Variants in KCTD16 observed in about 807,000 individuals in gnomAD.
KCTD16 encodes the protein potassium channel tetramerization domain containing 16.
KCTD16 carries 13 observed loss-of-function variants against 33.2 expected under a neutral mutation model. That is an observed-to-expected ratio of 0.39 (90% CI 0.25 to 0.62). KCTD16 has a LOEUF of 0.62. KCTD16 is among the 20% of genes least tolerant of loss of function. The pLI, the probability that KCTD16 is intolerant of heterozygous loss-of-function variation, is 0.50. For synonymous variants in KCTD16, 197 were observed against 195.3 expected (o/e 1.01, Z -0.07); for missense variants, 441 against 525.1 (o/e 0.84, Z 1.57).
In KCTD16 at chr5:144,478,527, A is replaced by T. The variant is rs1740906810; in HGVS notation, c.*4413A>T. On this transcript the variant is annotated 3_prime_UTR_variant, in exon 4 of 4. Transcript: ENST00000512467. ...TTAATACTCAGTATGCACAAAAATC[A>T]TGTGTAGCACTTGTAAAAATGCAGA... is the stretch of plus-strand genomic sequence containing the variant. 1 of 152,064 alleles carries T rather than the reference A, an allele frequency of 6.6e-6. No homozygotes were observed. Among genetic ancestry groups the T allele is most frequent in the Admixed American group, 6.6e-5 (1 of 15,252 alleles). The allele number at this position is 152,064 out of a possible 1,614,324, so 9.4% of individuals were successfully genotyped here. A position where few individuals can be genotyped will look rare whatever the true frequency, so the allele number is the denominator to read the frequency against.
chr5:144,452,773 T>TAA (rs34403827), intron 3 of KCTD16, among the ~76,000 whole-genome samples: 1 of 109,112 alleles, frequency 9.2e-6, no homozygotes, highest in Non-Finnish European at 2.0e-5. Flanking sequence ...CAAGCAAGAA[T>TAA]AAAAAAAAAA....
chr5:144,473,905 C>G lies in KCTD16; in HGVS notation c.1078C>G (p.Arg360Gly). The G allele has an allele frequency of 6.2e-7, 1 of 1,613,938 alleles. No individual in the cohort carries two copies. The highest frequency in any genetic ancestry group is 8.5e-7 in the Non-Finnish European group (1 of 1,179,964). The change falls in exon 4 of 4, where the codon CGG becomes GGG. Residue 360 changes from arginine (R) to glycine (G), a missense_variant. Transcript: ENST00000512467. Reference protein sequence around the residue: ...PVQLIQQSEMRRKSDLLRTLT... With the variant: ...PVQLIQQSEMGRKSDLLRTLT... Reference sequence around the variant, plus strand: ...CCAGCTGATCCAACAGTCAGAGATGCGGCGGAAAAGCGACTTACTCCGGAC... The same window carrying G: ...CCAGCTGATCCAACAGTCAGAGATGGGGCGGAAAAGCGACTTACTCCGGAC...
At chr5:144,187,692 G>A (rs956403364) in intron 2 of KCTD16, among the ~76,000 whole-genome samples, 2 of 152,036 alleles carry the variant, frequency 1.3e-5, no homozygotes, top group Non-Finnish European at 2.9e-5. Flanking sequence ...GTTGATCTCT[G>A]GATTTCTTTG....
Position 144,438,913 on chromosome 5 carries a change from C to T in KCTD16, c.833-34747C>T, listed in dbSNP as rs141753133. Among the ~76,000 whole-genome samples, 65 of 152,262 alleles carry T rather than the reference C, an allele frequency of 4.3e-4. 1 individual carries two copies. The East Asian group carries it at 0.012, about 28-fold the overall frequency. ...GTAAGTCACCATCTTCTACCTCTTCCTCACTCTCCTTATTCGGTTAGACAC... is the reference window on the plus strand; with the variant it reads ...GTAAGTCACCATCTTCTACCTCTTCTTCACTCTCCTTATTCGGTTAGACAC... On this transcript the variant is annotated intron_variant, in intron 3 of 3. Coordinates refer to ENST00000512467, the MANE Select transcript of KCTD16 (RefSeq NM_020768.4).
At chr5:144,208,743 T>C (rs755313853) in intron 3 of KCTD16, among the ~76,000 whole-genome samples, 13 of 152,240 alleles carry the variant, frequency 8.5e-5, no homozygotes, top group Non-Finnish European at 1.6e-4. Context: ...AGCCAAGTCA[T>C]TCTCTACTAA....
chr5:144,346,860 A>G (rs569699314), intron 3 of KCTD16, among the ~76,000 whole-genome samples: 1 of 152,084 alleles, frequency 6.6e-6, no homozygotes, highest in South Asian at 2.1e-4. Context: ...TTTTAACTTG[A>G]TGTGACCCCA....
chr5:144,407,171 A>C (rs1364146845), intron 3 of KCTD16, among the ~76,000 whole-genome samples: 1 of 148,836 alleles, frequency 6.7e-6, no homozygotes, highest in African/African-American at 2.5e-5. Context: ...AGAGTCTCAG[A>C]AGTTTTCATC....
Position 144,482,212 on chromosome 5 carries a change from A to G in KCTD16, c.*8098A>G, listed in dbSNP as rs1754717196. 1 of 151,900 alleles carries G rather than the reference A, an allele frequency of 6.6e-6. No homozygotes were observed. Among genetic ancestry groups the G allele is most frequent in the South Asian group, 2.1e-4 (1 of 4,832 alleles). 9.4% of individuals were successfully genotyped at this position (151,900 alleles called of 1,614,324 possible). On this transcript the variant is annotated 3_prime_UTR_variant, in exon 4 of 4. Coordinates refer to ENST00000512467, the MANE Select transcript of KCTD16 (RefSeq NM_020768.4). ...CAGCCTGACATCCTTCCTAAAAGTCATCAGTTTTTTTTGTTTGTTTGTGAC... is the reference window on the plus strand; with the variant it reads ...CAGCCTGACATCCTTCCTAAAAGTCGTCAGTTTTTTTTGTTTGTTTGTGAC...
intron 2 of KCTD16, among the ~76,000 whole-genome samples, chr5:144,203,964 C>G (rs1166311559): frequency 1.3e-5 from 2 of 152,290 alleles, no homozygotes; most frequent in East Asian, 3.9e-4. Context: ...TAACAAACAT[C>G]TTGCTTGGTC....
At position 144,475,029 on chromosome 5, in the gene KCTD16, C is replaced by G. The variant is rs1008630524; in HGVS notation, c.*915C>G. On this transcript the variant is annotated 3_prime_UTR_variant, in exon 4 of 4. Coordinates refer to ENST00000512467, the MANE Select transcript of KCTD16 (RefSeq NM_020768.4). ...GCTAAATGACTCCACACTCAGCCTT[C>G]TCTACCCTGAACTGAATTATCACCC... 1 of 152,198 alleles carries G rather than the reference C, an allele frequency of 6.6e-6. No individual in the cohort carries two copies. Among genetic ancestry groups the G allele is most frequent in the Non-Finnish European group, 1.5e-5 (1 of 68,042 alleles). The allele number at this position is 152,198 out of a possible 1,614,324, so 9.4% of individuals were successfully genotyped here.
rs1754646545 is a variant in KCTD16, at chr5:144,478,811, C to A, written c.*4697C>A. ...ATTCATTATCTTAAGAGAAAACACC[C>A]AAAGAAAAATATCCTAAGACTAGGG... On this transcript the variant is annotated 3_prime_UTR_variant, in exon 4 of 4. Coordinates refer to ENST00000512467, the MANE Select transcript of KCTD16 (RefSeq NM_020768.4). The A allele has an allele frequency of 6.6e-6, 1 of 151,880 alleles. No individual in the cohort carries two copies. Among genetic ancestry groups the A allele is most frequent in the Non-Finnish European group, 1.5e-5 (1 of 67,942 alleles). The allele number at this position is 151,880 out of a possible 1,614,324, so 9.4% of individuals were successfully genotyped here.
intron 3 of KCTD16, among the ~76,000 whole-genome samples, chr5:144,439,683 G>A (rs1436051509): frequency 6.6e-6 from 1 of 152,106 alleles, no homozygotes; most frequent in Non-Finnish European, 1.5e-5. Flanking sequence ...AGTGCTCTGT[G>A]GGCCACAGCC....
At chr5:144,459,152 C>A (rs559562951) in intron 3 of KCTD16, among the ~76,000 whole-genome samples, 1 of 152,252 alleles carries the variant, frequency 6.6e-6, no homozygotes, top group East Asian at 1.9e-4. Flanking sequence ...GACATTTGAA[C>A]AATCATTTTA....
At chr5:144,431,343 T>C (rs1753456648) in intron 3 of KCTD16, among the ~76,000 whole-genome samples, 1 of 152,206 alleles carries the variant, frequency 6.6e-6, no homozygotes, top group Non-Finnish European at 1.5e-5. Context: ...TTGAGCAAGA[T>C]GAAGAGACTT....
chr5:144,393,114 CT>C (rs1411243511), intron 3 of KCTD16, among the ~76,000 whole-genome samples: 1 of 152,060 alleles, frequency 6.6e-6, no homozygotes, highest in African/African-American at 2.4e-5. Flanking sequence ...ATTTATAGCC[CT>C]TTTTATAGCA....
chr5:144,322,628 AT>A (rs1752103349), intron 3 of KCTD16, among the ~76,000 whole-genome samples: 1 of 151,866 alleles, frequency 6.6e-6, no homozygotes, highest in East Asian at 1.9e-4. Flanking sequence ...ATACTGTTTT[AT>A]TTTTTTAAAC....
rs189678321 is a variant in KCTD16 at position 144,207,599 on chromosome 5, A to G, written c.832+53A>G. On this transcript the variant is annotated intron_variant, in intron 3 of 3. Coordinates refer to ENST00000512467, the MANE Select transcript of KCTD16 (RefSeq NM_020768.4). ...TTATGTGTGTCAATGCTCTTCACAA[A>G]TGTATATGGTCTGTGTGTTCTCTCC... 2,706 of 1,279,670 alleles carry G rather than the reference A, an allele frequency of 2.1e-3. 45 individuals carry two copies. The highest frequency in any genetic ancestry group is 5.1e-4 in the East Asian group (22 of 43,116). 79.3% of individuals were successfully genotyped at this position (1,279,670 alleles called of 1,614,324 possible). A position where few individuals can be genotyped will look rare whatever the true frequency, so the allele number is the denominator to read the frequency against.
At chr5:144,302,740 A>C (rs1037864270) in intron 3 of KCTD16, among the ~76,000 whole-genome samples, 1 of 152,242 alleles carries the variant, frequency 6.6e-6, no homozygotes, top group African/African-American at 2.4e-5. Context: ...TGGAAAAATC[A>C]GTTGCTCTAG....
chr5:144,439,970 A>T lies in KCTD16; in HGVS notation c.833-33690A>T, dbSNP rs544556373. Among the ~76,000 whole-genome samples the T allele has an allele frequency of 1.2e-4, 18 of 152,212 alleles. No homozygotes were observed. The East Asian group carries it at 1.4e-3, about 11-fold the overall frequency. On this transcript the variant is annotated intron_variant, in intron 3 of 3. Coordinates refer to ENST00000512467, the MANE Select transcript of KCTD16 (RefSeq NM_020768.4). ...AATCTAAAAAAAAAAAAACATATTTAAAAAAGCCCACTAACAACAGACACA... is the reference window on the plus strand; with the variant it reads ...AATCTAAAAAAAAAAAAACATATTTTAAAAAGCCCACTAACAACAGACACA...
Sources: allele counts gnomAD v4.1 joint callset (sites outside exome capture counted in the v4.1 genomes callset), GRCh38; gene constraint gnomAD v4.1.1; transcripts MANE v1.5; gene names NCBI Gene and HGNC (gene_info 2026-07-23, HGNC 2026-07-21).